Variants in DPH6 observed in about 807,000 individuals in gnomAD.
The protein encoded by DPH6 is diphthine--ammonia ligase.
A neutral mutation model predicts 38.2 loss-of-function variants in DPH6; 33 were observed. The ratio of observed to expected loss-of-function variants is 0.86; its 90% CI spans 0.65 to 1.15. The LOEUF (loss-of-function observed/expected upper bound fraction) is 1.15, where lower values mean the gene tolerates loss of function less well. DPH6 is among the 50% of genes most tolerant of loss of function. The pLI is 0.00. For missense variants in DPH6, 325 were observed against 320.0 expected, an observed-to-expected ratio of 1.02 and a Z score of -0.12; for synonymous variants, 108 against 103.0, an observed-to-expected ratio of 1.05 and a Z score of -0.30.
intron 3 of DPH6, among the ~76,000 whole-genome samples, chr15:35,295,849 A>G (rs1271681353): frequency 6.6e-6 from 1 of 152,204 alleles, no homozygotes; most frequent in African/African-American, 2.4e-5. Context: ...AATTTTTTCA[A>G]TTACATATTA....
intron 3 of DPH6, among the ~76,000 whole-genome samples, chr15:35,361,374 T>G (rs77327283): frequency 0.016 from 2,379 of 152,302 alleles, 53 homozygotes; most frequent in African/African-American, 0.054. Context: ...CTCTCTAACT[T>G]TCAACAGTTT....
intron 3 of DPH6, chr15:35,298,781 G>T: frequency 7.8e-7 from 1 of 1,275,222 alleles, no homozygotes; most frequent in Non-Finnish European, 1.1e-6. Context: ...GCGCTGGGCC[G>T]GGTTGGAGAT....
intron 3 of DPH6, among the ~76,000 whole-genome samples, chr15:35,276,048 A>G (rs1470703932): frequency 6.6e-6 from 1 of 152,230 alleles, no homozygotes; most frequent in Non-Finnish European, 1.5e-5. Flanking sequence ...TGGTTTTACT[A>G]GTTTACATTC....
intron 3 of DPH6, among the ~76,000 whole-genome samples, chr15:35,299,696 C>A (rs527426316): frequency 1.6e-4 from 25 of 152,370 alleles, no homozygotes; most frequent in Admixed American, 3.3e-4. Flanking sequence ...CATAGATACA[C>A]CTTAGGGAAA....
chr15:35,237,190 G>T, intron 3 of DPH6: 1 of 685,572 alleles, frequency 1.5e-6, no homozygotes, highest in Non-Finnish European at 2.5e-6. Context: ...AATGACCATT[G>T]AGGTTAGCGT....
At chr15:35,491,858 GTA>G (rs111899607) in intron 3 of DPH6, among the ~76,000 whole-genome samples, 4 of 150,736 alleles carry the variant, frequency 2.7e-5, no homozygotes, top group East Asian at 1.9e-4. Context: ...AAATCTATAT[GTA>G]TATGTGTGTG....
Position 35,397,859 on chromosome 15 carries a change from T to TTATATA in DPH6, c.567+12970_567+12975dup, listed in dbSNP as rs60188110. 4.7e-3 allele frequency among the ~76,000 whole-genome samples: 525 copies of TTATATA among 112,568 alleles called. 16 individuals carry two copies. The highest frequency in any genetic ancestry group is 0.014 in the African/African-American group (378 of 26,916). The allele number at this position is 112,568 out of a possible 152,430, so 73.8% of individuals were successfully genotyped here. The stretch of plus-strand genomic sequence containing the variant: ...TATAATAAAAATAGATGGAATCAAT[T>TTATATA]TATATATATACACACACACACACAC... On this transcript the variant is annotated intron_variant, in intron 6 of 8. Transcript: ENST00000256538.
chr15:35,445,241 T>C (rs1363409227), intron 5 of DPH6, among the ~76,000 whole-genome samples: 1 of 152,170 alleles, frequency 6.6e-6, no homozygotes, highest in African/African-American at 2.4e-5. Flanking sequence ...GAAATCAAGC[T>C]GTAACAGGCA....
intron 5 of DPH6, among the ~76,000 whole-genome samples, chr15:35,439,912 G>C (rs574983192): frequency 2.8e-4 from 43 of 152,148 alleles, no homozygotes; most frequent in Non-Finnish European, 5.3e-4. Flanking sequence ...CCAAGTATGA[G>C]ACTAAAGTTA....
chr15:35,164,061 T>C, the DPH6 span, among the ~76,000 whole-genome samples: 1 of 151,892 alleles, frequency 6.6e-6, no homozygotes, highest in Non-Finnish European at 1.5e-5. Context: ...GAATAATCAC[T>C]TCCCAGCAAA....
chr15:35,458,555 T>C lies in DPH6; in HGVS notation c.313-3735A>G, dbSNP rs2054024974. 1.3e-5 allele frequency among the ~76,000 whole-genome samples: 2 copies of C among 152,202 alleles called. 1 individual carries two copies. The highest frequency in any genetic ancestry group is 4.1e-4 in the South Asian group (2 of 4,828). On this transcript the variant is annotated intron_variant, in intron 3 of 8. Transcript: ENST00000256538. ...ATAGCTAGGTTCGGGTCCTGATCCC[T>C]GACCCATATCATTTGGGAGAAAAAG...
intron 3 of DPH6, among the ~76,000 whole-genome samples, chr15:35,459,435 C>A (rs557739811): frequency 1.2e-4 from 18 of 152,272 alleles, no homozygotes; most frequent in African/African-American, 4.1e-4. Context: ...CATCCAAATA[C>A]ATCTCCAAAT....
rs757556558 is a variant in DPH6 at position 35,454,760 on chromosome 15, G to A, written c.373C>T (p.Arg125Ter). The part of the protein sequence containing the change: ...GAILSDYQRI[R>*]VENVCKRLNL... ...ATGTTTTCTTACACATTTTCCACTC[G>A]AATACGCTGATAGTCAGAAAGTATA... The change falls in exon 4 of 9, where the codon CGA becomes TGA. Residue 125 changes from arginine to a stop codon, truncating the protein, a stop_gained. Coordinates refer to ENST00000256538, the MANE Select transcript of DPH6 (RefSeq NM_080650.4). LOFTEE classifies it high-confidence loss of function. The A allele has an allele frequency of 7.5e-6, 12 of 1,606,786 alleles. No individual in the cohort carries two copies. Among genetic ancestry groups the A allele is most frequent in the African/African-American group, 1.3e-5 (1 of 74,648 alleles).
At chr15:35,199,236 T>C in the DPH6 span, among the ~76,000 whole-genome samples, 1 of 152,160 alleles carries the variant, frequency 6.6e-6, no homozygotes, top group African/African-American at 2.4e-5. Context: ...CTTGACAGAA[T>C]GATGTCATGA....
chr15:35,172,989 AT>A, the DPH6 span, among the ~76,000 whole-genome samples: 23 of 152,212 alleles, frequency 1.5e-4, no homozygotes, highest in African/African-American at 4.8e-4. Flanking sequence ...TATAAAAAAA[AT>A]ACTTTTATAT....
At chr15:35,237,656 A>C in intron 3 of DPH6, 1 of 1,613,664 alleles carries the variant, frequency 6.2e-7, no homozygotes, top group Non-Finnish European at 8.5e-7. Flanking sequence ...GCCACTGAAA[A>C]ACTTAGAAAA....
chr15:35,238,958 TGA>T (rs1283774723), intron 3 of DPH6, among the ~76,000 whole-genome samples: 1 of 147,358 alleles, frequency 6.8e-6, no homozygotes, highest in African/African-American at 2.5e-5. Flanking sequence ...CTCCCTTTGC[TGA>T]CTCTCTTTTC....
chr15:35,154,774 CT>C, the DPH6 span, among the ~76,000 whole-genome samples: 1 of 152,070 alleles, frequency 6.6e-6, no homozygotes, highest in African/African-American at 2.4e-5. Context: ...TCATAGTAGC[CT>C]TAACACTATC....
chr15:35,417,829 T>A (rs1794754201), intron 5 of DPH6, among the ~76,000 whole-genome samples: 1 of 152,062 alleles, frequency 6.6e-6, no homozygotes, highest in Non-Finnish European at 1.5e-5. Context: ...TTTCTTTAAA[T>A]AAACCCTAGT....
Sources: gnomAD v4.1 joint callset for allele counts (sites outside exome capture counted in the v4.1 genomes callset) on GRCh38, gnomAD v4.1.1 for gene constraint, MANE v1.5 for transcripts, NCBI Gene and HGNC (gene_info 2026-07-23, HGNC 2026-07-21) for gene names.